The following SSB variants were observed in gnomAD, a reference collection of about 807,000 sequenced individuals.
The protein encoded by SSB is small RNA binding exonuclease protection factor La, also known as lupus La protein.
A neutral mutation model predicts 52.9 loss-of-function variants in SSB; 17 were observed. The ratio of observed to expected loss-of-function variants is 0.32; its 90% CI spans 0.22 to 0.48. The LOEUF (loss-of-function observed/expected upper bound fraction) is 0.48. Ranked by LOEUF, SSB falls within the 20% of genes least tolerant of loss-of-function variation. The pLI is 0.99. For synonymous variants in SSB, 111 were observed against 152.1 expected (o/e 0.73, Z 1.99); for missense variants, 314 against 463.6 (o/e 0.68, Z 2.96).
chr2:169,807,305 T>G (rs1689849664), intron 6 of SSB, among the ~76,000 whole-genome samples: 1 of 152,200 alleles, frequency 6.6e-6, no homozygotes. Flanking sequence ...TCTTTTTTTT[T>G]TGAGACAAGT....
chr2:169,805,284 C>G (rs376023177), intron 2 of SSB, among the ~76,000 whole-genome samples, 190 bp from the exon 3 acceptor site: 3 of 152,248 alleles, frequency 2.0e-5, no homozygotes, highest in East Asian at 1.9e-4. Flanking sequence ...ATCTGTTACA[C>G]TATTTTAGTA....
chr2:169,806,047 T>G, intron 4 of SSB: 2 of 601,680 alleles, frequency 3.3e-6, no homozygotes, highest in Non-Finnish European at 6.1e-6. Flanking sequence ...CATGGCCCAC[T>G]GCAGTCTTGA....
chr2:169,811,403 G>T, intron 11 of SSB, 80 bp downstream of exon 11: 1 of 1,449,580 alleles, frequency 6.9e-7, no homozygotes. Context: ...AGAGAGAATA[G>T]GGATTTGGCT....
In SSB at chr2:169,808,529, T is replaced by G. The variant is rs1689877000; in HGVS notation, c.602T>G (p.Val201Gly). The G allele has an allele frequency of 6.2e-7, 1 of 1,613,322 alleles. No individual in the cohort carries two copies. The part of the protein sequence containing the change: ...KKNEERKQNK[V>G]EAKLRAKQEQ... Reference sequence around the variant, plus strand: ...AATGAAGAAAGAAAACAAAATAAAGTGGAAGCTAAATTAAGAGCTAAACAG... The same window carrying G: ...AATGAAGAAAGAAAACAAAATAAAGGGGAAGCTAAATTAAGAGCTAAACAG... Residue 201 changes from valine to glycine, a missense_variant, in exon 7 of 12, where the codon GTG becomes GGG. Val to Gly is a moderately radical substitution (Grantham distance 109). Transcript: ENST00000260956.
intron 1 of SSB, among the ~76,000 whole-genome samples, chr2:169,800,639 G>A (rs1689694355): frequency 6.6e-6 from 1 of 151,812 alleles, no homozygotes; most frequent in Non-Finnish European, 1.5e-5. Context: ...GAAATGGTTG[G>A]TAAGTGATTG....
chr2:169,804,240 C>CTTTTTTT (rs11447613), intron 2 of SSB, among the ~76,000 whole-genome samples: 16 of 95,308 alleles, frequency 1.7e-4, no homozygotes, highest in Admixed American at 4.2e-4. Context: ...TTTACTTTAA[C>CTTTTTTT]TTTTTTTTTT....
rs780764356 is a variant in SSB at position 169,811,270 on chromosome 2, C to T, written c.1085C>T (p.Thr362Met). 5.8e-5 allele frequency: 94 copies of T among 1,608,988 alleles called. No individual in the cohort carries two copies. The highest frequency in any genetic ancestry group is 8.9e-5 in the East Asian group (4 of 44,802). ...KGKVQFQGKKTKFASDDEHDE... is the reference protein window; with the variant it reads ...KGKVQFQGKKMKFASDDEHDE... ...AAAGTACAGTTTCAGGGCAAGAAAA[C>T]GAAATTTGCTAGTGATGATGAACAT... is the stretch of plus-strand genomic sequence containing the variant. Residue 362 changes from threonine (T) to methionine (M), a missense_variant, in exon 11 of 12, where the codon ACG (threonine) becomes ATG (methionine). By Grantham distance (81) the Thr-to-Met change is moderately conservative. Transcript: ENST00000260956.
rs1202667014 is a variant in SSB at position 169,809,097 on chromosome 2, A to G, written c.669+195A>G. ...AGGAAATATGTTCTAAAATATGGAA[A>G]AGGCCGGGTGCAGTGGCCCACGCCT... On this transcript the variant is annotated intron_variant, in intron 8 of 11. Transcript: ENST00000260956. The G allele has an allele frequency of 8.3e-6, 5 of 599,814 alleles. No homozygotes were observed. In the East Asian group the frequency reaches 1.6e-4, roughly 20 times the overall value. The allele number at this position is 599,814 out of a possible 1,614,324, so 37.2% of individuals were successfully genotyped here. A position where few individuals can be genotyped will look rare whatever the true frequency, so the allele number is the denominator to read the frequency against.
At position 169,811,076 on chromosome 2, in the gene SSB, G is replaced by C. The variant is rs1360391913; in HGVS notation, c.997+32G>C. 5.6e-6 allele frequency: 9 copies of C among 1,600,776 alleles called. No individual in the cohort carries two copies. In the African/African-American group the frequency reaches 9.5e-5, roughly 17 times the overall value. The stretch of plus-strand genomic sequence containing the variant: ...TATTCTGATTTTTCTTTAACAGTTT[G>C]GTTGTTGAACCCATTTACTTGAGCA... On this transcript the variant is annotated intron_variant, in intron 10 of 11. Transcript: ENST00000260956.
At chr2:169,810,493 G>C in intron 9 of SSB, 70 bp downstream of exon 9, 1 of 1,379,560 alleles carries the variant, frequency 7.2e-7, no homozygotes, top group East Asian at 2.5e-5. Flanking sequence ...AAAATTAGTA[G>C]AAAGTAATTT....
intron 2 of SSB, among the ~76,000 whole-genome samples, chr2:169,803,776 C>A (rs1036169133): frequency 4.0e-5 from 6 of 151,866 alleles, no homozygotes; most frequent in African/African-American, 1.5e-4. Context: ...TATTGCTCTC[C>A]TCTCAGGCTG....
At chr2:169,808,619 G>A (rs2105702921) in intron 7 of SSB, 66 bp downstream of exon 7, 7 of 1,415,230 alleles carry the variant, frequency 4.9e-6, no homozygotes, top group Non-Finnish European at 7.0e-6. Context: ...AATATAGCTG[G>A]TGAGCTCTGA....
Position 169,800,938 on chromosome 2 carries a change from G to C in SSB, c.-9-14G>C. 6.4e-7 allele frequency: 1 copy of C among 1,569,340 alleles called. No individual in the cohort carries two copies. ...ATAAAAAATAACTTTATGCTAATTT[G>C]GGAAATTTTACAGATAGCCGCAATG... is the stretch of plus-strand genomic sequence containing the variant. On this transcript the variant is annotated splice_polypyrimidine_tract_variant and intron_variant, in intron 1 of 11. Transcript: ENST00000260956.
intron 2 of SSB, among the ~76,000 whole-genome samples, chr2:169,803,771 C>T (rs2105698497): frequency 6.6e-6 from 1 of 151,866 alleles, no homozygotes; most frequent in East Asian, 1.9e-4. Flanking sequence ...GACAGTATTG[C>T]TCTCCTCTCA....
At chr2:169,804,647 A>C (rs1477685062) in intron 2 of SSB, among the ~76,000 whole-genome samples, 5 of 151,746 alleles carry the variant, frequency 3.3e-5, no homozygotes, top group Non-Finnish European at 7.4e-5. Flanking sequence ...CCGGTTTCAA[A>C]TGATTCTTCT....
chr2:169,807,296 CT>C (rs1394678066), intron 6 of SSB, among the ~76,000 whole-genome samples: 7 of 147,966 alleles, frequency 4.7e-5, no homozygotes, highest in Admixed American at 6.7e-5. Flanking sequence ...TTTTCTTTTT[CT>C]TTTTTTTTTG....
rs76084007 is a variant in SSB, at chr2:169,802,521, T to G, written c.66+1495T>G. ...TATGAGGAGAAAAATTAGAAATTAT[T>G]CATTCTGTGTTTAATACTTAGAACA... On this transcript the variant is annotated intron_variant, in intron 2 of 11. Coordinates refer to ENST00000260956, the MANE Select transcript of SSB (RefSeq NM_003142.5). Among the ~76,000 whole-genome samples, 1,013 of 152,200 alleles carry G rather than the reference T, an allele frequency of 6.7e-3. 8 individuals carry two copies. Among genetic ancestry groups the G allele is most frequent in the African/African-American group, 0.023 (954 of 41,520 alleles).
Position 169,811,197 on chromosome 2 carries a change from G to A in SSB, c.1012G>A (p.Gly338Arg). Residue 338 changes from glycine (G) to arginine (R), a missense_variant, in exon 11 of 12, where the codon GGA (glycine) becomes AGA (arginine). Transcript: ENST00000260956. ...KWKSKGRRFKGKGKGNKAAQP... is the reference protein window; with the variant it reads ...KWKSKGRRFKRKGKGNKAAQP... Reference sequence around the variant, plus strand: ...TGTCTCTACAGGTCGTAGATTTAAAGGAAAAGGAAAGGGTAATAAAGCTGC... The same window carrying A: ...TGTCTCTACAGGTCGTAGATTTAAAAGAAAAGGAAAGGGTAATAAAGCTGC... 6.2e-7 allele frequency: 1 copy of A among 1,609,176 alleles called. No homozygotes were observed. The highest frequency in any genetic ancestry group is 1.7e-5 in the Admixed American group (1 of 58,464).
intron 2 of SSB, among the ~76,000 whole-genome samples, chr2:169,803,727 A>G (rs949804473): frequency 5.9e-5 from 9 of 151,832 alleles, no homozygotes; most frequent in Admixed American, 1.3e-4. Flanking sequence ...CCGATCCCTG[A>G]AAAATAGTGT....
Sources: gnomAD v4.1 joint callset for allele counts (sites outside exome capture counted in the v4.1 genomes callset) on GRCh38, gnomAD v4.1.1 for gene constraint, MANE v1.5 for transcripts, NCBI Gene and HGNC (gene_info 2026-07-23, HGNC 2026-07-21) for gene names.